Variants in TENM3 observed in about 807,000 individuals in gnomAD.
The protein encoded by TENM3 is teneurin transmembrane protein 3.
In TENM3, 63 loss-of-function variants were observed where a neutral mutation model predicts 255.1. The observed-to-expected ratio is 0.25, with a 90% CI of 0.20 to 0.30. TENM3 has a LOEUF of 0.30. Ranked by LOEUF, TENM3 falls within the 10% of genes least tolerant of loss-of-function variation. The probability of loss-of-function intolerance (pLI) is 1.00; values close to 1 mark genes in which losing one functional copy is unlikely to be tolerated. For missense variants in TENM3, 2,929 were observed against 3,461.1 expected (o/e 0.85, Z 3.86); for synonymous variants, 1,306 against 1,322.3 (o/e 0.99, Z 0.27).
intron 1 of TENM3, among the ~76,000 whole-genome samples, chr4:182,273,213 G>A (rs1483480462): frequency 2.6e-5 from 4 of 152,186 alleles, no homozygotes; most frequent in Non-Finnish European, 4.4e-5. Flanking sequence ...TCGATCCCCC[G>A]ACAGCCCTGG....
At chr4:181,969,200 T>TTTGGCAG in the TENM3 span, among the ~76,000 whole-genome samples, 1 of 152,212 alleles carries the variant, frequency 6.6e-6, no homozygotes, top group Non-Finnish European at 1.5e-5. Context: ...GTTACAAATG[T>TTTGGCAG]TGACTAACAC....
intron 3 of TENM3, among the ~76,000 whole-genome samples, chr4:182,453,858 C>G (rs1773668776): frequency 6.6e-6 from 1 of 152,004 alleles, no homozygotes; most frequent in Admixed American, 6.6e-5. Context: ...TTCATTTTAC[C>G]TCCTGCTTCA....
At chr4:182,478,274 A>T (rs889123600) in intron 3 of TENM3, among the ~76,000 whole-genome samples, 1 of 152,016 alleles carries the variant, frequency 6.6e-6, no homozygotes, top group African/African-American at 2.4e-5. Flanking sequence ...AATTAGTCAA[A>T]TTTTTTCTAA....
chr4:182,101,113 A>AGG, the TENM3 span, among the ~76,000 whole-genome samples: 28 of 65,742 alleles, frequency 4.3e-4, 9 homozygotes, highest in Non-Finnish European at 7.5e-4. Context: ...GGAGGAAGGA[A>AGG]AGAAGGAAGG....
chr4:182,497,979 T>C lies in TENM3; in HGVS notation c.512-102945T>C, dbSNP rs1038493773. On this transcript the variant is annotated intron_variant, in intron 3 of 27. Coordinates refer to ENST00000511685, the MANE Select transcript of TENM3 (RefSeq NM_001080477.4). ...GAGTCTTGGTAAGAATACTTAGATA[T>C]CAGTTGTTGAGTAATGAAAACTCAG... 4.6e-5 allele frequency among the ~76,000 whole-genome samples: 7 copies of C among 151,808 alleles called. No homozygotes were observed. In the East Asian group the frequency reaches 1.4e-3, roughly 29 times the overall value.
chr4:181,538,178 A>G, the TENM3 span, among the ~76,000 whole-genome samples: 6 of 152,230 alleles, frequency 3.9e-5, no homozygotes, highest in African/African-American at 1.2e-4. Flanking sequence ...AATGTTAAAA[A>G]TGCACTTTTA....
chr4:181,907,582 G>A, the TENM3 span, among the ~76,000 whole-genome samples: 5 of 152,120 alleles, frequency 3.3e-5, no homozygotes, highest in African/African-American at 7.2e-5. Context: ...GGGATGAGAC[G>A]TGGAGAAGGG....
the TENM3 span, among the ~76,000 whole-genome samples, chr4:182,137,879 G>GCT: frequency 2.0e-5 from 3 of 152,142 alleles, no homozygotes; most frequent in Non-Finnish European, 4.4e-5. Flanking sequence ...TTCAGAAATA[G>GCT]GGGAAAGGAG....
chr4:182,240,805 G>T (rs1757204444), upstream of TENM3, among the ~76,000 whole-genome samples: 2 of 152,172 alleles, frequency 1.3e-5, no homozygotes, highest in Non-Finnish European at 2.9e-5. Flanking sequence ...ATGGAATGCA[G>T]CTCCAGAGGC....
intron 1 of TENM3, among the ~76,000 whole-genome samples, chr4:182,294,813 A>G (rs1181301274): frequency 6.6e-6 from 1 of 152,192 alleles, no homozygotes; most frequent in African/African-American, 2.4e-5. Flanking sequence ...TTTCTGGGAT[A>G]TGACTCAGAA....
At chr4:182,567,891 A>G (rs1015104665) in intron 3 of TENM3, among the ~76,000 whole-genome samples, 34 of 151,068 alleles carry the variant, frequency 2.3e-4, no homozygotes, top group African/African-American at 7.8e-4. Context: ...TCATAGAGGT[A>G]ACTCATGCCT....
At chr4:182,700,239 A>C (rs1412590964) in intron 12 of TENM3, among the ~76,000 whole-genome samples, 1 of 152,180 alleles carries the variant, frequency 6.6e-6, no homozygotes, top group Non-Finnish European at 1.5e-5. Flanking sequence ...GGGACTTTTC[A>C]TTCAGTTTAA....
At chr4:182,372,403 T>C (rs1361494348) in intron 3 of TENM3, among the ~76,000 whole-genome samples, 1 of 152,190 alleles carries the variant, frequency 6.6e-6, no homozygotes, top group Non-Finnish European at 1.5e-5. Context: ...ATTAAAAAAA[T>C]ACTCGACAGT....
the TENM3 span, among the ~76,000 whole-genome samples, chr4:181,771,453 G>A: frequency 1.3e-5 from 2 of 152,196 alleles, no homozygotes; most frequent in Admixed American, 6.5e-5. Flanking sequence ...CTTGGTAAAG[G>A]TGTAGCCTAG....
At chr4:182,530,399 A>G (rs1739650312) in intron 3 of TENM3, among the ~76,000 whole-genome samples, 1 of 152,202 alleles carries the variant, frequency 6.6e-6, no homozygotes, top group South Asian at 2.1e-4. Context: ...ACTACTCCTG[A>G]AAGTAGTTCA....
the TENM3 span, among the ~76,000 whole-genome samples, chr4:181,512,297 C>T: frequency 1.3e-5 from 2 of 152,088 alleles, no homozygotes; most frequent in African/African-American, 2.4e-5. Flanking sequence ...CAGTCTACCA[C>T]GTTCCCTTGA....
chr4:181,698,369 C>T, the TENM3 span, among the ~76,000 whole-genome samples: 2 of 152,064 alleles, frequency 1.3e-5, no homozygotes, highest in Non-Finnish European at 2.9e-5. Flanking sequence ...ATTGTCTATT[C>T]CAAGTCTTAA....
the TENM3 span, among the ~76,000 whole-genome samples, chr4:182,100,874 T>TATATATACACTCATATATATAC: frequency 1.5e-4 from 6 of 39,564 alleles, 2 homozygotes; most frequent in African/African-American, 8.8e-4. Flanking sequence ...TATATATATA[T>TATATATACACTCATATATATAC]AGAGAGAGAG....
chr4:182,686,160 C>T (rs1304476164), intron 11 of TENM3, among the ~76,000 whole-genome samples: 1 of 151,948 alleles, frequency 6.6e-6, no homozygotes, highest in Non-Finnish European at 1.5e-5. Flanking sequence ...ATATATTTAA[C>T]TCTCAATAAA....
Sources: gnomAD v4.1 joint callset for allele counts (sites outside exome capture counted in the v4.1 genomes callset) on GRCh38, gnomAD v4.1.1 for gene constraint, MANE v1.5 for transcripts, NCBI Gene and HGNC (gene_info 2026-07-23, HGNC 2026-07-21) for gene names.